SYNE1: variants seen among roughly 807,000 people sequenced by gnomAD.
The protein encoded by SYNE1 is spectrin repeat containing nuclear envelope protein 1.
SYNE1 carries 616 observed loss-of-function variants against 1,111.0 expected under a neutral mutation model. That is an observed-to-expected ratio of 0.55 (90% CI 0.52 to 0.59). The LOEUF is 0.59. Among genes scored for constraint, SYNE1 ranks in the 20% least tolerant of loss-of-function variants. SYNE1 has a pLI of 0.00. For synonymous variants in SYNE1, 3,855 were observed against 3,825.8 expected (o/e 1.01, Z -0.28); for missense variants, 10,006 against 10,417.0 (o/e 0.96, Z 1.72).
chr6:152,140,782 C>T (rs2058345931), intron 139 of SYNE1, among the ~76,000 whole-genome samples: 1 of 152,128 alleles, frequency 6.6e-6, no homozygotes, highest in African/African-American at 2.4e-5. Flanking sequence ...GCCTGTAATC[C>T]CAGCACTTTG....
intron 2 of SYNE1, among the ~76,000 whole-genome samples, chr6:152,629,552 A>AG (rs2099694162): frequency 1.9e-4 from 3 of 16,140 alleles, no homozygotes; most frequent in African/African-American, 3.1e-4. Flanking sequence ...GGAGGGGAGG[A>AG]GGGGGTGCAG....
chr6:152,265,160 C>T (rs890130192), intron 100 of SYNE1, among the ~76,000 whole-genome samples: 2 of 143,018 alleles, frequency 1.4e-5, no homozygotes, highest in East Asian at 2.1e-4. Context: ...GAGCTGAGAT[C>T]GCATCACTGC....
chr6:152,615,070 T>C (rs1265753300), intron 3 of SYNE1, among the ~76,000 whole-genome samples: 3 of 152,172 alleles, frequency 2.0e-5, no homozygotes, highest in African/African-American at 4.8e-5. Flanking sequence ...ACATGGCACA[T>C]GTATACCTAC....
intron 14 of SYNE1, among the ~76,000 whole-genome samples, chr6:152,479,994 C>A (rs1372993914): frequency 6.6e-6 from 1 of 152,118 alleles, no homozygotes; most frequent in Non-Finnish European, 1.5e-5. Flanking sequence ...AGCATTGTAA[C>A]TTTGATAGCT....
chr6:152,133,831 C>G, intron 142 of SYNE1: 1 of 282,370 alleles, frequency 3.5e-6, no homozygotes, highest in Non-Finnish European at 6.8e-6. Flanking sequence ...AACAGAAAAG[C>G]ACAACATTAA....
intron 145 of SYNE1, among the ~76,000 whole-genome samples, chr6:152,125,005 A>G (rs1031056248): frequency 3.3e-5 from 5 of 152,216 alleles, no homozygotes; most frequent in African/African-American, 1.2e-4. Flanking sequence ...GATGTGAAAG[A>G]AAGCTCAGGG....
At chr6:152,567,853 A>C (rs1308318255) in intron 3 of SYNE1, among the ~76,000 whole-genome samples, 13 of 152,336 alleles carry the variant, frequency 8.5e-5, no homozygotes, top group East Asian at 1.9e-4. Flanking sequence ...TTAAAAATAA[A>C]ATGTAAAAGG....
chr6:152,463,385 G>T lies in SYNE1; in HGVS notation c.2065C>A (p.Arg689=), dbSNP rs139480065. ...ACTTCCATAAACAACTCCCTCCACC[G>T]CCCATTTAGCAACAGTAATTGCTGC... ...LKQQLLLLNG[R]WRELFMEVKQ... Residue 689 remains arginine, a synonymous_variant, in exon 19 of 146, where the codon CGG becomes AGG. Coordinates refer to ENST00000367255, the MANE Select transcript of SYNE1 (RefSeq NM_182961.4). 8.2e-5 allele frequency: 133 copies of T among 1,613,588 alleles called. No individual in the cohort carries two copies. The African/African-American group carries it at 1.4e-3, about 17-fold the overall frequency.
chr6:152,124,693 G>C (rs2092317135), intron 145 of SYNE1, among the ~76,000 whole-genome samples: 1 of 48,864 alleles, frequency 2.0e-5, no homozygotes, highest in African/African-American at 1.5e-4. Flanking sequence ...ATAAGCTGAG[G>C]GAAAAAAAAA....
chr6:152,136,544 T>C, intron 141 of SYNE1, 74 bp downstream of exon 141: 2 of 1,576,018 alleles, frequency 1.3e-6, no homozygotes, highest in South Asian at 1.1e-5. Context: ...GAAACCATGA[T>C]ACATCAAGTC....
chr6:152,308,870 T>G (rs1026012597), intron 90 of SYNE1, among the ~76,000 whole-genome samples: 10 of 152,234 alleles, frequency 6.6e-5, no homozygotes, highest in African/African-American at 2.4e-4. Flanking sequence ...TTAGGATTCT[T>G]TCTCTCTCTT....
intron 129 of SYNE1, among the ~76,000 whole-genome samples, chr6:152,178,377 C>T (rs1046562638): frequency 1.3e-5 from 2 of 152,138 alleles, no homozygotes; most frequent in South Asian, 2.1e-4. Context: ...AAAGGGCAAC[C>T]GTGAGCAGAT....
chr6:152,279,461 A>C (rs2153714822), intron 97 of SYNE1, among the ~76,000 whole-genome samples: 1 of 152,012 alleles, frequency 6.6e-6, no homozygotes. Context: ...CTCACCTGTA[A>C]TCCCAGCACT....
intron 95 of SYNE1, among the ~76,000 whole-genome samples, chr6:152,291,936 C>T (rs1490180453): frequency 2.0e-5 from 3 of 152,166 alleles, no homozygotes; most frequent in Non-Finnish European, 4.4e-5. Context: ...GAACAGCCAT[C>T]GAGGTTGGCC....
chr6:152,413,631 G>C (rs1165801269), intron 41 of SYNE1, 100 bp from the exon 42 acceptor site: 3 of 1,192,686 alleles, frequency 2.5e-6, no homozygotes, highest in African/African-American at 1.5e-5. Flanking sequence ...CACTCATTTA[G>C]ACAGCTAGAA....
chr6:152,521,587 G>A (rs150123118), intron 5 of SYNE1, among the ~76,000 whole-genome samples: 118 of 152,120 alleles, frequency 7.8e-4, no homozygotes, highest in Middle Eastern at 6.8e-3. Flanking sequence ...TTTCATTGCA[G>A]TCTCCATTTA....
chr6:152,302,077 TC>T lies in SYNE1; in HGVS notation c.17347-15del, dbSNP rs751760173. On this transcript the variant is annotated splice_polypyrimidine_tract_variant and intron_variant, in intron 91 of 145. Coordinates refer to ENST00000367255, the MANE Select transcript of SYNE1 (RefSeq NM_182961.4). ...CTGCGCCAGCTCCTGAGGAAACATT[TC>T]CCCCACCGGGGTGTCAGAGCAGCAT... 2 of 1,614,136 alleles carry T rather than the reference TC, an allele frequency of 1.2e-6. No homozygotes were observed. The highest frequency in any genetic ancestry group is 2.2e-5 in the East Asian group (1 of 44,880).
chr6:152,297,432 C>T (rs976277725), intron 93 of SYNE1, among the ~76,000 whole-genome samples: 1 of 152,154 alleles, frequency 6.6e-6, no homozygotes, highest in Non-Finnish European at 1.5e-5. Flanking sequence ...CACTACCTGC[C>T]ACCTTCTCTT....
At chr6:152,328,401 T>TTTAC (rs1238545395) in intron 78 of SYNE1, among the ~76,000 whole-genome samples, 93 of 147,246 alleles carry the variant, frequency 6.3e-4, no homozygotes, top group African/African-American at 2.4e-3. Flanking sequence ...TATTTATTTA[T>TTTAC]TTATTTATTT....
Sources: gnomAD v4.1 joint callset for allele counts (sites outside exome capture counted in the v4.1 genomes callset) on GRCh38, gnomAD v4.1.1 for gene constraint, MANE v1.5 for transcripts, NCBI Gene and HGNC (gene_info 2026-07-23, HGNC 2026-07-21) for gene names.